Variants in SPOCK3 observed in about 807,000 individuals in gnomAD.
SPOCK3 encodes the protein SPARC (osteonectin), cwcv and kazal like domains proteoglycan 3, also known as testican-3.
SPOCK3 carries 30 observed loss-of-function variants against 56.6 expected under a neutral mutation model. The observed-to-expected ratio is 0.53, with a 90% confidence interval of 0.40 to 0.72. SPOCK3 has a LOEUF of 0.72. SPOCK3 is among the 30% of genes least tolerant of loss of function. The pLI, the probability that SPOCK3 is intolerant of heterozygous loss-of-function variation, is 0.00. For missense variants in SPOCK3, 527 were observed against 530.0 expected (o/e 0.99, Z 0.06); for synonymous variants, 196 against 183.3 (o/e 1.07, Z -0.56).
At chr4:166,973,089 T>C (rs1162302532) in intron 4 of SPOCK3, among the ~76,000 whole-genome samples, 8 of 152,094 alleles carry the variant, frequency 5.3e-5, no homozygotes, top group Admixed American at 5.2e-4. Flanking sequence ...GATTGGATCA[T>C]GGGGGCAGTT....
intron 10 of SPOCK3, among the ~76,000 whole-genome samples, chr4:166,736,069 G>T (rs72695589): frequency 0.051 from 7,773 of 151,704 alleles, 228 homozygotes; most frequent in Non-Finnish European, 0.056. Context: ...TAATTATTTG[G>T]TATCTAATTA....
intron 6 of SPOCK3, among the ~76,000 whole-genome samples, chr4:166,880,415 C>T (rs1040586998): frequency 2.6e-5 from 4 of 152,166 alleles, no homozygotes; most frequent in African/African-American, 9.6e-5. Flanking sequence ...AACTGAGCCA[C>T]TGCTTTTCTC....
Position 167,150,766 on chromosome 4 carries a change from G to A in SPOCK3, c.189+83219C>T, listed in dbSNP as rs143105818. On this transcript the variant is annotated intron_variant, in intron 2 of 10. Coordinates refer to ENST00000357545, the MANE Select transcript of SPOCK3 (RefSeq NM_001040159.2). ...CTGATTGCGTCAGCGTGAATATACT[G>A]ACTTAGTGTTTGCAGAGGTAGAGTT... 2.0e-3 allele frequency among the ~76,000 whole-genome samples: 312 copies of A among 152,242 alleles called. 1 individual carries two copies. The highest frequency in any genetic ancestry group is 7.0e-3 in the African/African-American group (289 of 41,540).
chr4:166,850,138 T>C (rs1477767523), intron 6 of SPOCK3, among the ~76,000 whole-genome samples: 1 of 152,234 alleles, frequency 6.6e-6, no homozygotes, highest in Non-Finnish European at 1.5e-5. Context: ...ATTCTATTGT[T>C]AATTATTTTA....
intron 6 of SPOCK3, among the ~76,000 whole-genome samples, chr4:166,815,820 G>A: frequency 6.6e-6 from 1 of 151,976 alleles, no homozygotes. Context: ...CTACTAATAG[G>A]TTTTTATTAA....
intron 2 of SPOCK3, among the ~76,000 whole-genome samples, chr4:167,198,010 ATTCTT>A (rs1221710825): frequency 6.6e-6 from 1 of 151,920 alleles, no homozygotes; most frequent in Non-Finnish European, 1.5e-5. Context: ...TGTGCCTTCT[ATTCTT>A]TTGTGTTTGG....
At chr4:167,004,887 A>C (rs1387747006) in intron 3 of SPOCK3, among the ~76,000 whole-genome samples, 1 of 152,140 alleles carries the variant, frequency 6.6e-6, no homozygotes, top group Admixed American at 6.5e-5. Context: ...GCCTGTGGTG[A>C]CATCCAGATA....
intron 3 of SPOCK3, among the ~76,000 whole-genome samples, chr4:167,049,550 A>T (rs1754013598): frequency 6.6e-6 from 1 of 152,134 alleles, no homozygotes; most frequent in Admixed American, 6.5e-5. Context: ...AAATAGATTT[A>T]TTTTGACCTG....
At chr4:166,911,854 G>A (rs1479683023) in intron 5 of SPOCK3, among the ~76,000 whole-genome samples, 1 of 151,932 alleles carries the variant, frequency 6.6e-6, no homozygotes, top group African/African-American at 2.4e-5. Context: ...TAATTATAGG[G>A]TAAGCTCCTT....
chr4:167,135,324 A>G (rs1015202306), intron 2 of SPOCK3, among the ~76,000 whole-genome samples: 1 of 152,242 alleles, frequency 6.6e-6, no homozygotes, highest in Admixed American at 6.6e-5. Context: ...TTAAGAGATG[A>G]CAATGTTCAA....
At chr4:166,944,690 A>G (rs920799199) in intron 4 of SPOCK3, among the ~76,000 whole-genome samples, 2 of 152,046 alleles carry the variant, frequency 1.3e-5, no homozygotes, top group African/African-American at 4.8e-5. Context: ...TATCACAGAA[A>G]TTACATATTA....
chr4:167,213,613 C>T (rs1489611301), intron 2 of SPOCK3, among the ~76,000 whole-genome samples: 1 of 151,902 alleles, frequency 6.6e-6, no homozygotes, highest in South Asian at 2.1e-4. Flanking sequence ...ACACTATTAC[C>T]AGAAATATTC....
chr4:167,226,977 CTG>C (rs1358806449), intron 2 of SPOCK3, among the ~76,000 whole-genome samples: 2 of 152,146 alleles, frequency 1.3e-5, no homozygotes, highest in Non-Finnish European at 2.9e-5. Context: ...AGAAATAAAT[CTG>C]AACTGTCAGT....
In SPOCK3 at chr4:166,790,542, C is replaced by T. The variant is rs1327234969; in HGVS notation, c.709+1628G>A. 2.0e-5 allele frequency among the ~76,000 whole-genome samples: 3 copies of T among 152,178 alleles called. No homozygotes were observed. The South Asian group carries it at 6.2e-4, about 32-fold the overall frequency. ...ACATAATCCTGTGGCCCACTTTTTCCGATCCTGTCCAAAGATATTCAACTC... is the reference window on the plus strand; with the variant it reads ...ACATAATCCTGTGGCCCACTTTTTCTGATCCTGTCCAAAGATATTCAACTC... On this transcript the variant is annotated intron_variant, in intron 7 of 10. Coordinates refer to ENST00000357545, the MANE Select transcript of SPOCK3 (RefSeq NM_001040159.2).
At chr4:167,182,359 T>C (rs1731545599) in intron 2 of SPOCK3, among the ~76,000 whole-genome samples, 1 of 146,840 alleles carries the variant, frequency 6.8e-6, no homozygotes, top group South Asian at 2.2e-4. Context: ...TTCACATTTA[T>C]ATATGAATAA....
At chr4:167,036,630 T>A (rs1752782251) in intron 3 of SPOCK3, among the ~76,000 whole-genome samples, 1 of 152,296 alleles carries the variant, frequency 6.6e-6, no homozygotes, top group East Asian at 1.9e-4. Flanking sequence ...AACGGAATAG[T>A]CTACTTTTAA....
intron 2 of SPOCK3, among the ~76,000 whole-genome samples, chr4:167,229,386 A>T (rs1054994943): frequency 3.3e-5 from 5 of 152,122 alleles, no homozygotes; most frequent in African/African-American, 1.2e-4. Flanking sequence ...TTCCTTAAAG[A>T]TTCTCATTGT....
chr4:167,126,473 C>T (rs1762291721), intron 2 of SPOCK3, among the ~76,000 whole-genome samples: 1 of 152,106 alleles, frequency 6.6e-6, no homozygotes, highest in Non-Finnish European at 1.5e-5. Flanking sequence ...TGCTTGACCC[C>T]AGGAGGCAGA....
chr4:167,152,144 AT>A (rs1451840137), intron 2 of SPOCK3, among the ~76,000 whole-genome samples: 2 of 152,244 alleles, frequency 1.3e-5, no homozygotes, highest in African/African-American at 4.8e-5. Context: ...AGCTTACATC[AT>A]TGTAAAAAAT....
Sources: allele counts gnomAD v4.1 joint callset (sites outside exome capture counted in the v4.1 genomes callset), GRCh38; gene constraint gnomAD v4.1.1; transcripts MANE v1.5; gene names NCBI Gene and HGNC (gene_info 2026-07-23, HGNC 2026-07-21).